The following VPS13D variants were observed in gnomAD, a reference collection of about 807,000 sequenced individuals.
VPS13D encodes vacuolar protein sorting 13 homolog D.
In VPS13D, 187 loss-of-function variants were observed where a neutral mutation model predicts 461.9. The observed-to-expected ratio is 0.40, with a 90% CI of 0.36 to 0.46. The LOEUF is 0.46. Among genes scored for constraint, VPS13D ranks in the 20% least tolerant of loss-of-function variants. The pLI, the probability that VPS13D is intolerant of heterozygous loss-of-function variation, is 0.60. For missense variants in VPS13D, 4,711 were observed against 5,364.9 expected, an observed-to-expected ratio of 0.88 and a Z score of 3.81; for synonymous variants, 1,951 against 1,986.3, an observed-to-expected ratio of 0.98 and a Z score of 0.47.
intron 20 of VPS13D, among the ~76,000 whole-genome samples, chr1:12,282,400 C>T (rs1030311936): frequency 2.0e-5 from 3 of 152,176 alleles, no homozygotes; most frequent in African/African-American, 7.2e-5. Context: ...TGTCAACACT[C>T]TTCAGTTTCT....
chr1:12,282,010 C>T (rs1193085613), intron 20 of VPS13D, among the ~76,000 whole-genome samples: 1 of 152,072 alleles, frequency 6.6e-6, no homozygotes, highest in Admixed American at 6.5e-5. Context: ...ACCTCTGCCT[C>T]CCAAGTAGCT....
chr1:12,370,579 T>G (rs890917206), intron 54 of VPS13D, among the ~76,000 whole-genome samples: 4 of 152,228 alleles, frequency 2.6e-5, no homozygotes, highest in Admixed American at 1.3e-4. Flanking sequence ...CTAGTAATAA[T>G]TGAATCTGCA....
At chr1:12,409,903 A>G (rs1644701273) in intron 63 of VPS13D, 1 of 456,090 alleles carries the variant, frequency 2.2e-6, no homozygotes, top group Non-Finnish European at 4.4e-6. Flanking sequence ...AGGTGAGCCC[A>G]ACATTTATTT....
Position 12,354,021 on chromosome 1 carries a change from C to G in VPS13D, c.9479C>G (p.Ser3160Ter). Residue 3160 changes from serine to a stop codon, truncating the protein, a stop_gained, in exon 47 of 70, where the codon TCA (serine) becomes TGA (stop). Coordinates refer to ENST00000620676, the MANE Select transcript of VPS13D (RefSeq NM_015378.4). LOFTEE classifies it high-confidence loss of function. Reference protein sequence around the residue: ...KKENYPDYMPSNIFSDSAKQI... With the variant: ...KKENYPDYMP ...GAGAATTATCCAGATTATATGCCCTCAAACATATTTTCTGACAGTGCAAAA... is the reference window on the plus strand; with the variant it reads ...GAGAATTATCCAGATTATATGCCCTGAAACATATTTTCTGACAGTGCAAAA... The G allele has an allele frequency of 1.2e-6, 2 of 1,614,158 alleles. No homozygotes were observed. Among genetic ancestry groups the G allele is most frequent in the Non-Finnish European group, 1.7e-6 (2 of 1,180,012 alleles).
At chr1:12,503,505 C>T (rs182972018) in intron 68 of VPS13D, among the ~76,000 whole-genome samples, 2 of 152,100 alleles carry the variant, frequency 1.3e-5, no homozygotes, top group South Asian at 2.1e-4. Context: ...AACTTTTAAC[C>T]GAGGTTTAAG....
intron 50 of VPS13D, among the ~76,000 whole-genome samples, chr1:12,361,403 A>ATTTATTTTTTT (rs1553183518): frequency 7.5e-6 from 1 of 134,000 alleles, no homozygotes; most frequent in African/African-American, 2.8e-5. Context: ...TTATTTATTT[A>ATTTATTTTTTT]TTTTTTTTTT....
intron 40 of VPS13D, among the ~76,000 whole-genome samples, chr1:12,338,647 C>T (rs985509024): frequency 6.6e-6 from 1 of 151,954 alleles, no homozygotes. Context: ...GCAGTGGTGC[C>T]ACAAGTCTTA....
At chr1:12,242,953 CTTTTCTTTTT>C (rs1640428249) in intron 3 of VPS13D, among the ~76,000 whole-genome samples, 1 of 150,116 alleles carries the variant, frequency 6.7e-6, no homozygotes, top group African/African-American at 2.5e-5. Context: ...TTTTTCTTTT[CTTTTCTTTTT>C]TTTTTTTCAG....
rs760126898 is a variant in VPS13D, at chr1:12,271,059, C to G, written c.2038C>G (p.Leu680Val). The stretch of plus-strand genomic sequence containing the variant: ...AGCTGCCCGAAGACAATATAACAAG[C>G]TGAAGATGCAGACCAAGGCAGAAAT... Reference protein sequence around the residue: ...AEAARRQYNKLKMQTKAEIRQ... With the variant: ...AEAARRQYNKVKMQTKAEIRQ... The change falls in exon 17 of 70, where the codon CTG (leucine) becomes GTG (valine). Residue 680 changes from leucine (L) to valine (V), a missense_variant. Leu to Val is a conservative substitution (Grantham distance 32). Around this residue, in one of 3 missense-constraint regions of VPS13D, gnomAD observed 4,411 missense variants for 4,937.8 expected, o/e 0.89. Transcript: ENST00000620676. 6.2e-7 allele frequency: 1 copy of G among 1,613,998 alleles called. No individual in the cohort carries two copies. The highest frequency in any genetic ancestry group is 1.7e-5 in the Admixed American group (1 of 59,998).
At chr1:12,322,221 G>A (rs751173030) in intron 33 of VPS13D, among the ~76,000 whole-genome samples, 34 of 152,082 alleles carry the variant, frequency 2.2e-4, no homozygotes, top group East Asian at 9.7e-4. Flanking sequence ...GCCTGCCACC[G>A]TGCCCGGCTA....
At chr1:12,287,971 A>G (rs1642020453) in intron 21 of VPS13D, among the ~76,000 whole-genome samples, 1 of 152,224 alleles carries the variant, frequency 6.6e-6, no homozygotes. Flanking sequence ...GCATCTCATG[A>G]ACAGAAAATA....
At position 12,332,075 on chromosome 1, in the gene VPS13D, A is replaced by G. The variant is rs538332863; in HGVS notation, c.8288-1151A>G. On this transcript the variant is annotated intron_variant, in intron 37 of 69. Transcript: ENST00000620676. ...AAGTGGGACACTACTAATTATTGGA[A>G]CATATAAGCCATAGTACTTGCTATT... Among the ~76,000 whole-genome samples the G allele has an allele frequency of 3.9e-5, 6 of 152,368 alleles. No individual in the cohort carries two copies. In the South Asian group the frequency reaches 8.3e-4, roughly 21 times the overall value.
chr1:12,297,452 T>C (rs770062696), intron 24 of VPS13D, among the ~76,000 whole-genome samples: 6 of 152,224 alleles, frequency 3.9e-5, no homozygotes, highest in Non-Finnish European at 5.9e-5. Context: ...ATGCTGTGCG[T>C]TAGAAATCTT....
At chr1:12,458,567 TA>T (rs111566093) in intron 66 of VPS13D, among the ~76,000 whole-genome samples, 231 of 141,060 alleles carry the variant, frequency 1.6e-3, no homozygotes, top group Admixed American at 1.6e-3. Flanking sequence ...ACCCTGTTTC[TA>T]AAAAAAAAAA....
chr1:12,310,170 A>G (rs529839899), intron 27 of VPS13D, among the ~76,000 whole-genome samples: 1 of 152,288 alleles, frequency 6.6e-6, no homozygotes, highest in South Asian at 2.1e-4. Flanking sequence ...TGTGCAGATA[A>G]TTGTATTCTG....
chr1:12,332,239 C>T (rs2101556513), intron 37 of VPS13D, among the ~76,000 whole-genome samples: 1 of 152,260 alleles, frequency 6.6e-6, no homozygotes, highest in South Asian at 2.1e-4. Context: ...GTGTGAACTA[C>T]AGATGTATAT....
At chr1:12,454,423 G>A (rs1053980166) in intron 65 of VPS13D, among the ~76,000 whole-genome samples, 1 of 152,244 alleles carries the variant, frequency 6.6e-6, no homozygotes, top group African/African-American at 2.4e-5. Context: ...TCATTAGACA[G>A]GCAGTGATAT....
intron 22 of VPS13D, among the ~76,000 whole-genome samples, chr1:12,289,928 C>T (rs540523181): frequency 6.6e-6 from 1 of 151,746 alleles, no homozygotes; most frequent in East Asian, 1.9e-4. Context: ...AGAGTGAGAC[C>T]CTGTCTCAAA....
At chr1:12,430,703 C>A (rs1430238007) in intron 65 of VPS13D, among the ~76,000 whole-genome samples, 3 of 152,210 alleles carry the variant, frequency 2.0e-5, no homozygotes, top group Non-Finnish European at 4.4e-5. Flanking sequence ...CTTCTGATGC[C>A]TTGAAGACAG....
Sources: gnomAD v4.1 joint callset for allele counts (sites outside exome capture counted in the v4.1 genomes callset) on GRCh38, gnomAD v4.1.1 for gene constraint, gnomAD v4.1.1 regional missense constraint, MANE v1.5 for transcripts, NCBI Gene and HGNC (gene_info 2026-07-23, HGNC 2026-07-21) for gene names.